Variants in R3HCC1 observed in about 807,000 individuals in gnomAD.
R3HCC1 encodes the protein R3H domain and coiled-coil containing 1, also known as R3H and coiled-coil domain-containing protein 1.
A neutral mutation model predicts 40.0 loss-of-function variants in R3HCC1; 32 were observed. The observed-to-expected ratio is 0.80, with a 90% CI of 0.60 to 1.07. R3HCC1 has a LOEUF of 1.07. R3HCC1 is among the 50% of genes least tolerant of loss of function. The probability of loss-of-function intolerance (pLI) is 0.00; values close to 1 mark genes in which losing one functional copy is unlikely to be tolerated. For synonymous variants in R3HCC1, 237 were observed against 232.8 expected, an observed-to-expected ratio of 1.02 and a Z score of -0.17; for missense variants, 586 against 563.3, an observed-to-expected ratio of 1.04 and a Z score of -0.41.
chr8:23,290,230 G>C lies in R3HCC1; in HGVS notation c.613G>C (p.Glu205Gln). 1 of 1,551,768 alleles carries C rather than the reference G, an allele frequency of 6.4e-7. No homozygotes were observed. Among genetic ancestry groups the C allele is most frequent in the Non-Finnish European group, 8.7e-7 (1 of 1,146,996 alleles). The change falls in exon 4 of 8, where the codon GAG becomes CAG. Residue 205 changes from glutamate to glutamine, a missense_variant. Physicochemically the swap from Glu to Gln is conservative, Grantham distance 29. Coordinates refer to ENST00000265806, the MANE Select transcript of R3HCC1 (RefSeq NM_001136108.3). Reference sequence around the variant, plus strand: ...GGGCCCAGGACAAAGGTGTGAGAATGAGCCACTGCTGGACCCTGTTGGCCC... The same window carrying C: ...GGGCCCAGGACAAAGGTGTGAGAATCAGCCACTGCTGGACCCTGTTGGCCC...
In R3HCC1 at chr8:23,288,177, G is replaced by T. The variant is rs537207654; in HGVS notation, c.-19+20G>T. ...GCCGCGGTGAGTGCAGCAGCACTGG[G>T]GGGGTGGTCGTCCCGACCCCCGGGC... On this transcript the variant is annotated intron_variant, in intron 1 of 7. Transcript: ENST00000265806. The T allele has an allele frequency of 4.1e-6, 5 of 1,210,594 alleles. No homozygotes were observed. Among genetic ancestry groups the T allele is most frequent in the Middle Eastern group, 2.7e-4 (1 of 3,746 alleles). The allele number at this position is 1,210,594 out of a possible 1,614,324, so 75.0% of individuals were successfully genotyped here.
In R3HCC1 at chr8:23,296,054, A is replaced by G; in HGVS notation, c.1280A>G (p.Lys427Arg). 3 of 1,550,696 alleles carry G rather than the reference A, an allele frequency of 1.9e-6. No homozygotes were observed. The highest frequency in any genetic ancestry group is 1.4e-5 in the African/African-American group (1 of 73,180). Residue 427 changes from lysine (K) to arginine (R), a missense_variant, in exon 8 of 8, where the codon AAA (lysine) becomes AGA (arginine). Coordinates refer to ENST00000265806, the MANE Select transcript of R3HCC1 (RefSeq NM_001136108.3). ...GCCCGGGCCCTGGGACTCCAACACA[A>G]AAAGAAAGAGCGGCCTGCTGTCCGG...
rs1802789594 is a variant in R3HCC1 at position 23,288,544 on chromosome 8, T to A, written c.21T>A (p.Asp7Glu). 1 of 1,536,044 alleles carries A rather than the reference T, an allele frequency of 6.5e-7. No homozygotes were observed. Among genetic ancestry groups the A allele is most frequent in the Non-Finnish European group, 8.7e-7 (1 of 1,146,858 alleles). Residue 7 changes from aspartate (D) to glutamate (E), a missense_variant, in exon 2 of 8, where the codon GAT becomes GAA. By Grantham distance (45) the Asp-to-Glu change is conservative (BLOSUM62 2). Coordinates refer to ENST00000265806, the MANE Select transcript of R3HCC1 (RefSeq NM_001136108.3). ...TCACCCTGGCCCTTCTCTGCTTGGATGGTGTCTTCCTCTCCTCAGCCGAGA... is the reference window on the plus strand; with the variant it reads ...TCACCCTGGCCCTTCTCTGCTTGGAAGGTGTCTTCCTCTCCTCAGCCGAGA...
chr8:23,291,511 C>T lies in R3HCC1; in HGVS notation c.1003C>T (p.Leu335=). ...ACCAGCGCTCAAGACGGAGGACCTG[C>T]TGGCAACGTTTTCTGAGTTCCAGTG... Residue 335 remains leucine, a synonymous_variant, in exon 5 of 8, where the codon CTG becomes TTG. Coordinates refer to ENST00000265806, the MANE Select transcript of R3HCC1 (RefSeq NM_001136108.3). 1.3e-6 allele frequency: 2 copies of T among 1,551,230 alleles called. No homozygotes were observed. The highest frequency in any genetic ancestry group is 1.2e-5 in the South Asian group (1 of 84,034).
intron 7 of R3HCC1, among the ~76,000 whole-genome samples, chr8:23,295,066 G>C (rs141687709): frequency 9.9e-5 from 15 of 152,090 alleles, no homozygotes; most frequent in African/African-American, 2.9e-4. Context: ...GCAGGCCTAG[G>C]GGGGGTCTGG....
chr8:23,294,051 G>T (rs1033943446), intron 6 of R3HCC1, among the ~76,000 whole-genome samples: 3 of 152,116 alleles, frequency 2.0e-5, no homozygotes, highest in African/African-American at 7.3e-5. Context: ...CCGAGCTGGG[G>T]CCTGGGAGCG....
At chr8:23,288,102 G>C (rs1206820446), upstream of R3HCC1, 1 of 1,270,354 alleles carries the variant, frequency 7.9e-7, no homozygotes, top group African/African-American at 1.5e-5. Context: ...TAGGGCGCTC[G>C]GGCGCGCTGG....
chr8:23,289,826 C>T (rs989997710), intron 3 of R3HCC1, 40 bp from the exon 4 acceptor site: 3 of 1,461,310 alleles, frequency 2.1e-6, no homozygotes, highest in East Asian at 2.5e-5. Flanking sequence ...TCCTTTGGGC[C>T]CCTACACACT....
Position 23,291,387 on chromosome 8 carries a change from G to GAT in R3HCC1, c.880_881dup (p.Gln295PhefsTer3), listed in dbSNP as rs2117122088. The GAT allele has an allele frequency of 6.4e-7, 1 of 1,551,850 alleles. No homozygotes were observed. The highest frequency in any genetic ancestry group is 8.7e-7 in the Non-Finnish European group (1 of 1,146,980). On this transcript the variant is annotated frameshift_variant, in exon 5 of 8. Transcript: ENST00000265806. LOFTEE classifies it high-confidence loss of function. ...TCACAGACAACCTGACGAAGAAGGA[G>GAT]ATTCAGATAGAGAAGATCCATTTGG...
At position 23,290,108 on chromosome 8, in the gene R3HCC1, GCAGGGAC is replaced by G. The variant is rs1248313100; in HGVS notation, c.493_499del (p.Arg165GlnfsTer21). 6 of 1,550,976 alleles carry G rather than the reference GCAGGGAC, an allele frequency of 3.9e-6. No homozygotes were observed. In the South Asian group the frequency reaches 7.1e-5, roughly 18 times the overall value. The stretch of plus-strand genomic sequence containing the variant: ...GTGCTCAAGAGAGAGGCCCCAGCTG[GCAGGGAC>G]CCAGAAGAGCCTGGAGATGTTGGTG... On this transcript the variant is annotated frameshift_variant, in exon 4 of 8. Coordinates refer to ENST00000265806, the MANE Select transcript of R3HCC1 (RefSeq NM_001136108.3). LOFTEE classifies it high-confidence loss of function.
intron 5 of R3HCC1, among the ~76,000 whole-genome samples, chr8:23,291,865 C>T (rs532843696): frequency 2.0e-5 from 3 of 152,306 alleles, no homozygotes; most frequent in Admixed American, 1.3e-4. Flanking sequence ...GCCTGCCTCC[C>T]AGCGGCTGCT....
rs531035874 is a variant in R3HCC1 at position 23,294,842 on chromosome 8, G to C, written c.1170G>C (p.Lys390Asn). ...TCACACAGGGAACCAAGCAGTCAAAGCTCAAAGCCTTGCAGAGGCCAAGTA... is the reference window on the plus strand; with the variant it reads ...TCACACAGGGAACCAAGCAGTCAAACCTCAAAGCCTTGCAGAGGCCAAGTA... The change falls in exon 7 of 8, where the codon AAG (lysine) becomes AAC (asparagine). Residue 390 changes from lysine (K) to asparagine (N), a missense_variant. Physicochemically the swap from Lys to Asn is moderately conservative, Grantham distance 94. Coordinates refer to ENST00000265806, the MANE Select transcript of R3HCC1 (RefSeq NM_001136108.3). The C allele has an allele frequency of 7.1e-6, 11 of 1,551,438 alleles. No individual in the cohort carries two copies. The Middle Eastern group carries it at 5.0e-4, about 71-fold the overall frequency.
Position 23,288,513 on chromosome 8 carries a change from C to T in R3HCC1, c.-11C>T. 1 of 1,536,040 alleles carries T rather than the reference C, an allele frequency of 6.5e-7. No individual in the cohort carries two copies. The highest frequency in any genetic ancestry group is 8.7e-7 in the Non-Finnish European group (1 of 1,146,866). ...TGCCCGTCTCTCTTACAGGCTCTCC[C>T]ACCTGTCACCCTGGCCCTTCTCTGC... On this transcript the variant is annotated 5_prime_UTR_variant, in exon 2 of 8. Coordinates refer to ENST00000265806, the MANE Select transcript of R3HCC1 (RefSeq NM_001136108.3).
intron 6 of R3HCC1, among the ~76,000 whole-genome samples, 165 bp from the exon 7 acceptor site, chr8:23,294,604 G>A (rs112448720): frequency 0.038 from 5,712 of 152,246 alleles, 161 homozygotes; most frequent in Non-Finnish European, 0.054. Flanking sequence ...GGGGGATGAG[G>A]CAAGCAGGCG....
intron 3 of R3HCC1, among the ~76,000 whole-genome samples, chr8:23,289,622 C>A (rs1295360361): frequency 2.0e-5 from 3 of 152,228 alleles, no homozygotes; most frequent in African/African-American, 7.2e-5. Flanking sequence ...TGGTGTGTAA[C>A]TGAAGATGGA....
rs1168302353 is a variant in R3HCC1 at position 23,289,034 on chromosome 8, A to C, written c.129A>C (p.Pro43=). The change falls in exon 3 of 8, where the codon CCA becomes CCC. Residue 43 remains proline, a synonymous_variant. Transcript: ENST00000265806. ...TCCCCAGGGTTCTTCTTTTCCCCCC[A>C]CTCTCCAGTCGCCTCCGGTACCTGA... 6.5e-7 allele frequency: 1 copy of C among 1,535,058 alleles called. No homozygotes were observed. Among genetic ancestry groups the C allele is most frequent in the East Asian group, 2.5e-5 (1 of 40,812 alleles).
chr8:23,293,803 A>C (rs1197447416), intron 6 of R3HCC1, among the ~76,000 whole-genome samples: 1 of 152,142 alleles, frequency 6.6e-6, no homozygotes, highest in Admixed American at 6.5e-5. Flanking sequence ...GGTTACCTCC[A>C]TTGTACAGCT....
intron 1 of R3HCC1, 157 bp downstream of exon 1, chr8:23,288,314 C>T (rs748801895): frequency 7.2e-6 from 8 of 1,116,014 alleles, no homozygotes; most frequent in South Asian, 1.6e-5. Context: ...CAGGCGGGGA[C>T]GAGAGCCTTG....
chr8:23,291,105 T>C (rs1405822203), intron 4 of R3HCC1: 7 of 349,610 alleles, frequency 2.0e-5, no homozygotes, highest in Admixed American at 1.6e-4. Context: ...TTCTAAAATA[T>C]AGTTTTCAGG....
Sources: allele counts gnomAD v4.1 joint callset (sites outside exome capture counted in the v4.1 genomes callset), GRCh38; gene constraint gnomAD v4.1.1; transcripts MANE v1.5; gene names NCBI Gene and HGNC (gene_info 2026-07-23, HGNC 2026-07-21).